The following PKIB variants were observed in gnomAD, a reference collection of about 807,000 sequenced individuals.
PKIB encodes cAMP-dependent protein kinase inhibitor beta, also known as PKI-beta.
PKIB carries 2 observed loss-of-function variants against 4.5 expected under a neutral mutation model. The observed-to-expected ratio is 0.44, with a 90% confidence interval of 0.18 to 1.39. PKIB has a LOEUF of 1.39. Ranked by LOEUF, PKIB falls within the 40% of genes most tolerant of loss-of-function variation. The pLI, the probability that PKIB is intolerant of heterozygous loss-of-function variation, is 0.27. For missense variants in PKIB, 94 were observed against 92.6 expected (o/e 1.02, Z -0.06); for synonymous variants, 38 against 36.0 (o/e 1.06, Z -0.20).
intron 3 of PKIB, among the ~76,000 whole-genome samples, chr6:122,699,299 ATT>A (rs1554233487): frequency 0.9 from 136,316 of 151,216 alleles, 61,821 homozygotes; most frequent in Middle Eastern, 0.97. Flanking sequence ...ATATATATAT[ATT>A]GTGTCTCATG....
intron 2 of PKIB, among the ~76,000 whole-genome samples, chr6:122,648,736 C>A (rs1327197265): frequency 6.6e-6 from 1 of 152,146 alleles, no homozygotes; most frequent in Non-Finnish European, 1.5e-5. Context: ...AACAAAGCAG[C>A]ACTTTTTCCA....
intron 3 of PKIB, among the ~76,000 whole-genome samples, chr6:122,586,786 A>G (rs1470684311): frequency 6.6e-6 from 1 of 152,158 alleles, no homozygotes; most frequent in Non-Finnish European, 1.5e-5. Flanking sequence ...GGAAGCTAGA[A>G]TCTGGAGAAC....
intron 2 of PKIB, among the ~76,000 whole-genome samples, chr6:122,500,980 T>A (rs1050077294): frequency 1.3e-5 from 2 of 152,080 alleles, no homozygotes; most frequent in African/African-American, 4.8e-5. Context: ...AGAGGAAGTC[T>A]GCCCCCATGA....
intron 2 of PKIB, among the ~76,000 whole-genome samples, chr6:122,566,174 GAGGGATGAGGAAAAGAAATA>G (rs1773185524): frequency 6.6e-6 from 1 of 151,980 alleles, no homozygotes; most frequent in African/African-American, 2.4e-5. Context: ...CCTTGAAGAT[GAGGGATGAGGAAAAGAAATA>G]AAAAAAGAAG....
chr6:122,690,935 T>C (rs866418360), intron 3 of PKIB, among the ~76,000 whole-genome samples: 1 of 145,988 alleles, frequency 6.8e-6, no homozygotes, highest in African/African-American at 2.6e-5. Context: ...TATATATATT[T>C]TTTTTTTTTT....
intron 2 of PKIB, among the ~76,000 whole-genome samples, chr6:122,528,551 A>G (rs1290946811): frequency 3.3e-5 from 5 of 152,162 alleles, no homozygotes; most frequent in Non-Finnish European, 5.9e-5. Context: ...GTATCCTCAC[A>G]TGATAGAGAA....
chr6:122,522,326 G>A (rs1195933598), intron 2 of PKIB, among the ~76,000 whole-genome samples: 1 of 152,116 alleles, frequency 6.6e-6, no homozygotes, highest in African/African-American at 2.4e-5. Flanking sequence ...GCTCTGTCGG[G>A]GTGGGATCCA....
intron 3 of PKIB, among the ~76,000 whole-genome samples, chr6:122,693,671 A>G (rs1778440305): frequency 6.6e-6 from 1 of 152,260 alleles, no homozygotes; most frequent in Non-Finnish European, 1.5e-5. Context: ...TGGACTACAC[A>G]GTGTCAGATC....
At chr6:122,720,106 A>C (rs1454169391) in intron 4 of PKIB, among the ~76,000 whole-genome samples, 10 of 152,234 alleles carry the variant, frequency 6.6e-5, no homozygotes, top group Admixed American at 6.5e-4. Flanking sequence ...TTATGGTTTC[A>C]ATAATTTATT....
rs981594414 is a variant in PKIB at position 122,577,766 on chromosome 6, G to A, written c.-247-8155G>A. On this transcript the variant is annotated intron_variant, in intron 2 of 6. Coordinates refer to the PKIB transcript ENST00000392491. ...CTACTAAAAATACAAAAAATTAGCCGGGCGTGGTGGTGGCCGCCTGTAGTC... is the reference window on the plus strand; with the variant it reads ...CTACTAAAAATACAAAAAATTAGCCAGGCGTGGTGGTGGCCGCCTGTAGTC... 9.9e-5 allele frequency among the ~76,000 whole-genome samples: 15 copies of A among 151,852 alleles called. No homozygotes were observed. The South Asian group carries it at 1.0e-3, about 11-fold the overall frequency.
At chr6:122,664,800 A>G (rs935228799) in intron 2 of PKIB, among the ~76,000 whole-genome samples, 1 of 152,172 alleles carries the variant, frequency 6.6e-6, no homozygotes, top group Non-Finnish European at 1.5e-5. Flanking sequence ...CTTAAAGTGA[A>G]GCATATCTAA....
intron 3 of PKIB, among the ~76,000 whole-genome samples, chr6:122,690,915 G>GATATAT (rs55770226): frequency 7.1e-5 from 6 of 84,954 alleles, no homozygotes; most frequent in African/African-American, 1.4e-4. Context: ...ATGCTTGAAG[G>GATATAT]ATATATATAT....
At chr6:122,507,864 T>G (rs1390832176) in intron 2 of PKIB, among the ~76,000 whole-genome samples, 1 of 152,028 alleles carries the variant, frequency 6.6e-6, no homozygotes, top group East Asian at 1.9e-4. Flanking sequence ...ATTTACCTTT[T>G]GTCCTGTTAA....
intron 2 of PKIB, among the ~76,000 whole-genome samples, chr6:122,572,899 T>C (rs1411421467): frequency 6.6e-6 from 1 of 152,040 alleles, no homozygotes; most frequent in Non-Finnish European, 1.5e-5. Context: ...CCTGGAAACA[T>C]GTAATTCTCC....
At chr6:122,711,068 A>G (rs1426031579) in intron 3 of PKIB, among the ~76,000 whole-genome samples, 1 of 152,126 alleles carries the variant, frequency 6.6e-6, no homozygotes, top group Non-Finnish European at 1.5e-5. Context: ...GGTTATAACC[A>G]CTTATATTCA....
intron 2 of PKIB, among the ~76,000 whole-genome samples, chr6:122,653,956 T>G (rs1033158144): frequency 4.6e-5 from 7 of 152,122 alleles, no homozygotes; most frequent in African/African-American, 1.7e-4. Context: ...AGACTCTGTC[T>G]CAAAACGAAC....
At chr6:122,534,238 C>A (rs1384097905) in intron 2 of PKIB, among the ~76,000 whole-genome samples, 1 of 151,334 alleles carries the variant, frequency 6.6e-6, no homozygotes, top group Non-Finnish European at 1.5e-5. Flanking sequence ...GCCTAGAGGA[C>A]TTTTCTACAC....
intron 2 of PKIB, among the ~76,000 whole-genome samples, chr6:122,552,632 C>A (rs1395978146): frequency 2.6e-5 from 4 of 152,164 alleles, no homozygotes; most frequent in Non-Finnish European, 5.9e-5. Context: ...CCCGCCTTGG[C>A]CTCCCAAAGT....
chr6:122,551,947 C>T (rs930935054), intron 2 of PKIB, among the ~76,000 whole-genome samples: 1 of 144,366 alleles, frequency 6.9e-6, no homozygotes, highest in African/African-American at 2.6e-5. Context: ...TCCAGTCCTC[C>T]GTTTTTAGTC....
Sources: gnomAD v4.1 joint callset for allele counts (sites outside exome capture counted in the v4.1 genomes callset) on GRCh38, gnomAD v4.1.1 for gene constraint, MANE v1.5 for transcripts, NCBI Gene and HGNC (gene_info 2026-07-23, HGNC 2026-07-21) for gene names.